The following HSPG2 variants were observed in gnomAD, a reference collection of about 807,000 sequenced individuals.
HSPG2 encodes basement membrane-specific heparan sulfate proteoglycan core protein.
Under a neutral mutation model 526.6 loss-of-function variants are expected in HSPG2, and 278 were observed. The observed-to-expected ratio is 0.53, with a 90% CI of 0.48 to 0.58. HSPG2 has a LOEUF of 0.58. HSPG2 is among the 20% of genes least tolerant of loss of function. The pLI, the probability that HSPG2 is intolerant of heterozygous loss-of-function variation, is 0.00. For missense variants in HSPG2, 5,354 were observed against 6,099.5 expected (o/e 0.88, Z 4.07); for synonymous variants, 2,465 against 2,555.4 (o/e 0.96, Z 1.07).
At chr1:21,830,888 T>G (rs1572153354) in intron 85 of HSPG2, 94 bp downstream of exon 85, 1 of 789,190 alleles carries the variant, frequency 1.3e-6, no homozygotes, top group South Asian at 1.5e-5. Context: ...GGTGTGGAAG[T>G]GCCCCAGTGG....
chr1:21,851,685 G>A lies in HSPG2; in HGVS notation c.7019C>T (p.Thr2340Ile), dbSNP rs1347407196. ...GANLAYPAGSTQPIRIEPSSS... is the reference protein window; with the variant it reads ...GANLAYPAGSIQPIRIEPSSS... ...GGAGGGCTCGATGCGGATGGGCTGG[G>A]TGCTGCCGGCAGCTGAGGGATAAGA... Residue 2340 changes from threonine (T) to isoleucine (I), a missense_variant, in exon 55 of 97, where the codon ACC (threonine) becomes ATC (isoleucine). Transcript: ENST00000374695. 6.2e-7 allele frequency: 1 copy of A among 1,613,926 alleles called. No individual in the cohort carries two copies. Among genetic ancestry groups the A allele is most frequent in the African/African-American group, 1.3e-5 (1 of 74,914 alleles).
At position 21,842,859 on chromosome 1, in the gene HSPG2, T is replaced by G. The variant is rs2098054982; in HGVS notation, c.8821A>C (p.Thr2941Pro). The part of the protein sequence containing the change: ...ASSSHVTEGQ[T>P]LDLNCVVPGQ... ...GGCACCACACAGTTCAGATCCAGAG[T>G]CTGCCCTTCAGTCACGTGTGAAGAG... Residue 2941 changes from threonine (T) to proline (P), a missense_variant, in exon 67 of 97, where the codon ACT (threonine) becomes CCT (proline). Coordinates refer to ENST00000374695, the MANE Select transcript of HSPG2 (RefSeq NM_005529.7). 3.1e-6 allele frequency: 5 copies of G among 1,613,944 alleles called. No individual in the cohort carries two copies. Among genetic ancestry groups the G allele is most frequent in the African/African-American group, 1.3e-5 (1 of 74,986 alleles).
Position 21,853,033 on chromosome 1 carries a change from G to A in HSPG2, c.6477C>T (p.Ser2159=), listed in dbSNP as rs1639038316. The part of the protein sequence containing the change: ...GSTRPIRIEP[S]SSHVAEGQTL... ...TCTGCCCTTCCGCCACGTGTGAGGA[G>A]GAGGGCTCGATGCGGATGGGCCGGG... Residue 2159 remains serine, a synonymous_variant, in exon 51 of 97, where the codon TCC becomes TCT. Coordinates refer to ENST00000374695, the MANE Select transcript of HSPG2 (RefSeq NM_005529.7). The A allele has an allele frequency of 6.2e-7, 1 of 1,613,836 alleles. No homozygotes were observed. The highest frequency in any genetic ancestry group is 8.5e-7 in the Non-Finnish European group (1 of 1,179,958).
chr1:21,923,536 C>A (rs4626854), intron 1 of HSPG2, among the ~76,000 whole-genome samples: 2 of 152,146 alleles, frequency 1.3e-5, no homozygotes, highest in Non-Finnish European at 2.9e-5. Flanking sequence ...GGCCCTCCCC[C>A]TGCCCTCACC....
In HSPG2 at chr1:21,839,075, A is replaced by G. The variant is rs1238258207; in HGVS notation, c.9900T>C (p.Tyr3300=). 1.3e-6 allele frequency: 2 copies of G among 1,584,200 alleles called. No homozygotes were observed. The highest frequency in any genetic ancestry group is 2.3e-5 in the East Asian group (1 of 44,306). ...TIILHVESPP[Y]ATTVPEHASV... is the part of the protein sequence containing the mutation. The stretch of plus-strand genomic sequence containing the variant: ...AAGCGTGCTCTGGGACCGTGGTGGC[A>G]TATGGTGGGCCTGAGTGGGGGGACA... Residue 3300 remains tyrosine (Y), a synonymous_variant, in exon 74 of 97, where the codon TAT becomes TAC. Coordinates refer to ENST00000374695, the MANE Select transcript of HSPG2 (RefSeq NM_005529.7). The surrounding 1 kb of genome is among the most constrained non-coding windows in gnomAD (Gnocchi z 4.5).
intron 81 of HSPG2, 50 bp from the exon 82 acceptor site, chr1:21,831,846 A>G: frequency 3.2e-6 from 5 of 1,546,426 alleles, no homozygotes; most frequent in Non-Finnish European, 4.4e-6. Context: ...GGGGGTTTGT[A>G]AGAAGGGCTA....
At position 21,864,988 on chromosome 1, in the gene HSPG2, C is replaced by A; in HGVS notation, c.4481G>T (p.Arg1494Leu). The A allele has an allele frequency of 6.3e-7, 1 of 1,586,922 alleles. No homozygotes were observed. The highest frequency in any genetic ancestry group is 2.3e-5 in the East Asian group (1 of 43,270). The stretch of plus-strand genomic sequence containing the variant: ...CAGCGGCACGGAGGAGAACGTGGCC[C>A]GGATCAGGAGCTCATCCAGGTCGGC... The part of the protein sequence containing the change: ...ALADLDELLI[R>L]ATFSSVPLAA... Residue 1494 changes from arginine (R) to leucine (L), a missense_variant, in exon 36 of 97, where the codon CGG becomes CTG. Coordinates refer to ENST00000374695, the MANE Select transcript of HSPG2 (RefSeq NM_005529.7). The surrounding 1 kb of genome is among the most constrained non-coding windows in gnomAD (Gnocchi z 4.8).
chr1:21,865,414 G>T lies in HSPG2; in HGVS notation c.4315-49C>A, dbSNP rs1192925247. 6.5e-7 allele frequency: 1 copy of T among 1,528,898 alleles called. No homozygotes were observed. The highest frequency in any genetic ancestry group is 1.4e-5 in the African/African-American group (1 of 73,182). 94.7% of individuals were successfully genotyped at this position (1,528,898 alleles called of 1,614,324 possible). On this transcript the variant is annotated intron_variant, in intron 34 of 96. Transcript: ENST00000374695. This position sits in a 1 kb window ranked among gnomAD's most constrained non-coding sequence, Gnocchi z 5.4. ...GAAGGGGAGCCGAGGGGTCCCTGGG[G>T]TGCCAGGGTGTCCTCCACCAGTCCT... is the stretch of plus-strand genomic sequence containing the variant.
chr1:21,932,047 A>C (rs935361764), intron 1 of HSPG2, among the ~76,000 whole-genome samples: 4 of 152,088 alleles, frequency 2.6e-5, no homozygotes, highest in Non-Finnish European at 5.9e-5. Flanking sequence ...TGAATTAACA[A>C]ACCTAAAAAT....
intron 1 of HSPG2, among the ~76,000 whole-genome samples, chr1:21,934,934 T>C (rs1046141992): frequency 2.2e-4 from 31 of 139,390 alleles, no homozygotes; most frequent in African/African-American, 8.5e-4. Context: ...TGAGGCGGAG[T>C]CTCACTCTGT....
rs776742951 is a variant in HSPG2 at position 21,865,759 on chromosome 1, G to A, written c.4272C>T (p.Gly1424=). 3 of 1,613,888 alleles carry A rather than the reference G, an allele frequency of 1.9e-6. No individual in the cohort carries two copies. The highest frequency in any genetic ancestry group is 2.5e-6 in the Non-Finnish European group (3 of 1,179,996). Residue 1424 remains glycine (G), a synonymous_variant, in exon 34 of 97, where the codon GGC becomes GGT. Coordinates refer to ENST00000374695, the MANE Select transcript of HSPG2 (RefSeq NM_005529.7). The surrounding 1 kb of genome is among the most constrained non-coding windows in gnomAD (Gnocchi z 5.4). ...KLRYTLSYTA[G]PQGSPLSDPD... ...GGTCAGAGAGTGGGCTGCCCTGTGG[G>A]CCTGCTGTGTAGGAGAGGGTGTATC... is the stretch of plus-strand genomic sequence containing the variant.
chr1:21,878,786 G>T, intron 18 of HSPG2, 123 bp from the exon 19 acceptor site: 1 of 1,190,060 alleles, frequency 8.4e-7, no homozygotes, highest in Non-Finnish European at 1.2e-6. Context: ...CCATCTCCCT[G>T]CCCGGCAGCC....
chr1:21,869,493 A>T, intron 33 of HSPG2: 1 of 987,772 alleles, frequency 1.0e-6, no homozygotes, highest in Non-Finnish European at 1.2e-6. Context: ...AAGACAGAGA[A>T]GCTGAGGAAG....
chr1:21,832,279 A>G (rs187750827), intron 81 of HSPG2, among the ~76,000 whole-genome samples: 21 of 152,278 alleles, frequency 1.4e-4, no homozygotes, highest in Non-Finnish European at 2.9e-4. Flanking sequence ...GAATGAATGA[A>G]TCCTGGCCTG....
Position 21,850,037 on chromosome 1 carries a change from C to G in HSPG2, c.7446+4G>C. 6.2e-7 allele frequency: 1 copy of G among 1,612,902 alleles called. No homozygotes were observed. Among genetic ancestry groups the G allele is most frequent in the Non-Finnish European group, 8.5e-7 (1 of 1,179,986 alleles). On this transcript the variant is annotated splice_donor_region_variant and intron_variant, in intron 57 of 96. Coordinates refer to ENST00000374695, the MANE Select transcript of HSPG2 (RefSeq NM_005529.7). ...TTCAGGCTTCCTGAGCTCCTGCCTC[C>G]TACCTGGTGCCGGGCCGGGAGGCTG...
intron 37 of HSPG2, 37 bp from the exon 38 acceptor site, chr1:21,862,152 G>T: frequency 1.2e-6 from 2 of 1,607,726 alleles, no homozygotes; most frequent in Non-Finnish European, 1.7e-6. Flanking sequence ...CAGCCATTAG[G>T]CCAAATTTAC....
chr1:21,840,143 T>C lies in HSPG2; in HGVS notation c.9514-126A>G, dbSNP rs549000552. ...TGGTATCTATTTATTTACTTATTTATATATTTATTTTTTGAGACAGGGTCT... is the reference window on the plus strand; with the variant it reads ...TGGTATCTATTTATTTACTTATTTACATATTTATTTTTTGAGACAGGGTCT... On this transcript the variant is annotated intron_variant, in intron 71 of 96. Coordinates refer to ENST00000374695, the MANE Select transcript of HSPG2 (RefSeq NM_005529.7). 49 of 752,230 alleles carry C rather than the reference T, an allele frequency of 6.5e-5. No individual in the cohort carries two copies. The South Asian group carries it at 7.5e-4, about 11-fold the overall frequency. The allele number at this position is 752,230 out of a possible 1,614,324, so 46.6% of individuals were successfully genotyped here.
At position 21,872,759 on chromosome 1, in the gene HSPG2, G is replaced by A. The variant is rs1351343099; in HGVS notation, c.3890C>T (p.Ala1297Val). Reference sequence around the variant, plus strand: ...GCTGCAAGTGAGGCCTTCCACCTGGGCCTGGGTAGACGGATGGAAGGAGGC... The same window carrying A: ...GCTGCAAGTGAGGCCTTCCACCTGGACCTGGGTAGACGGATGGAAGGAGGC... ...CDAAGQCQCK[A>V]QVEGLTCSHC... Residue 1297 changes from alanine to valine, a missense_variant and splice_region_variant, in exon 32 of 97, where the codon GCC (alanine) becomes GTC (valine). Coordinates refer to ENST00000374695, the MANE Select transcript of HSPG2 (RefSeq NM_005529.7). This position sits in a 1 kb window ranked among gnomAD's most constrained non-coding sequence, Gnocchi z 5.5. 6.2e-7 allele frequency: 1 copy of A among 1,608,068 alleles called. No homozygotes were observed. The highest frequency in any genetic ancestry group is 8.5e-7 in the Non-Finnish European group (1 of 1,178,106).
At chr1:21,873,832 G>A in intron 29 of HSPG2, 93 bp downstream of exon 29, 1 of 1,109,192 alleles carries the variant, frequency 9.0e-7, no homozygotes, top group Non-Finnish European at 1.3e-6. Flanking sequence ...AGGCATCCCT[G>A]ATTCCTCTGG....
Sources: allele counts gnomAD v4.1 joint callset (sites outside exome capture counted in the v4.1 genomes callset), GRCh38; gene constraint gnomAD v4.1.1; non-coding constraint Gnocchi (gnomAD v3.1); transcripts MANE v1.5; gene names NCBI Gene and HGNC (gene_info 2026-07-23, HGNC 2026-07-21).